Variants in PCDH11Y observed in about 807,000 individuals in gnomAD.
PCDH11Y encodes the protein protocadherin-11 Y-linked.
For synonymous variants in PCDH11Y, 9 were observed against 83.6 expected (o/e 0.11, Z 4.87); for missense variants, 12 against 224.8 (o/e 0.05, Z 6.05).
chrY:5,305,739 T>C, intron 2 of PCDH11Y, among the ~76,000 whole-genome samples: 1 of 32,733 alleles, frequency 3.1e-5, no homozygotes, highest in Non-Finnish European at 7.5e-5. Flanking sequence ...CCAGAGAGAG[T>C]TGGATCTACC....
chrY:5,241,490 G>A, intron 2 of PCDH11Y, among the ~76,000 whole-genome samples: 14 of 25,491 alleles, frequency 5.5e-4, no homozygotes, highest in Admixed American at 8.0e-4. Flanking sequence ...TGAGAGACAT[G>A]TGACTTTTCC....
intron 2 of PCDH11Y, among the ~76,000 whole-genome samples, chrY:5,244,178 A>G: frequency 8.9e-5 from 3 of 33,844 alleles, no homozygotes; most frequent in African/African-American, 3.5e-4. Flanking sequence ...CTTTCAGGTA[A>G]ATAATGAAAT....
At chrY:5,300,442 C>T in intron 2 of PCDH11Y, among the ~76,000 whole-genome samples, 1 of 32,389 alleles carries the variant, frequency 3.1e-5, no homozygotes, top group Non-Finnish European at 7.6e-5. Context: ...GATCAATTTC[C>T]CCAAGACATG....
chrY:5,296,497 G>A, intron 2 of PCDH11Y, among the ~76,000 whole-genome samples: 1 of 32,967 alleles, frequency 3.0e-5, no homozygotes, highest in East Asian at 8.3e-4. Context: ...CTTCAGGGTG[G>A]CAAGTTCCTA....
intron 2 of PCDH11Y, among the ~76,000 whole-genome samples, chrY:5,428,341 T>C (rs2053265586): frequency 3.0e-5 from 1 of 33,843 alleles, no homozygotes; most frequent in African/African-American, 1.2e-4. Flanking sequence ...CTATAGACTT[T>C]TTCTGTTTTT....
At chrY:5,672,843 C>A in intron 4 of PCDH11Y, among the ~76,000 whole-genome samples, 2 of 31,652 alleles carry the variant, frequency 6.3e-5, no homozygotes, top group African/African-American at 2.4e-4. Flanking sequence ...CTTTAAGATG[C>A]ATCATTAGAT....
intron 1 of PCDH11Y, among the ~76,000 whole-genome samples, chrY:5,094,618 C>T: frequency 3.1e-5 from 1 of 32,208 alleles, no homozygotes; most frequent in Non-Finnish European, 7.7e-5. Flanking sequence ...TAGGATAGTA[C>T]AGTTGAATAG....
intron 4 of PCDH11Y, among the ~76,000 whole-genome samples, chrY:5,720,993 T>C: frequency 3.0e-5 from 1 of 33,421 alleles, no homozygotes; most frequent in Admixed American, 2.7e-4. Flanking sequence ...AGCTCTATTA[T>C]AGGTTAAGAA....
chrY:5,181,930 C>T, intron 2 of PCDH11Y, among the ~76,000 whole-genome samples: 2 of 33,382 alleles, frequency 6.0e-5, no homozygotes, highest in East Asian at 8.2e-4. Context: ...TCAATTCAGC[C>T]GTCTCAGCTT....
intron 1 of PCDH11Y, among the ~76,000 whole-genome samples, chrY:5,086,863 CAGCTCAGCACTGGGTCTCACCCAAGTTCA>C (rs2052731586): frequency 3.4e-5 from 1 of 29,844 alleles, no homozygotes; most frequent in African/African-American, 1.3e-4. Context: ...GACCTAAAGC[CAGCTCAGCACTGGGTCTCACCCAAGTTCA>C]AGCTCAGCAC....
chrY:5,702,086 A>G (rs1308688530), intron 4 of PCDH11Y, among the ~76,000 whole-genome samples: 9 of 33,210 alleles, frequency 2.7e-4, no homozygotes, highest in Non-Finnish European at 5.9e-4. Flanking sequence ...TGTTGTATCT[A>G]GGAAATAGCA....
chrY:5,027,074 C>T, intron 1 of PCDH11Y, among the ~76,000 whole-genome samples: 2 of 31,779 alleles, frequency 6.3e-5, no homozygotes, highest in Non-Finnish European at 7.6e-5. Context: ...GCCTGGGGAA[C>T]ATAGTGAGAC....
At chrY:5,550,054 A>C in intron 3 of PCDH11Y, among the ~76,000 whole-genome samples, 1 of 30,201 alleles carries the variant, frequency 3.3e-5, no homozygotes, top group Admixed American at 3.0e-4. Context: ...CCATGACACG[A>C]ATTTACCTAT....
intron 2 of PCDH11Y, among the ~76,000 whole-genome samples, chrY:5,484,350 T>TC (rs2053329536): frequency 6.5e-5 from 2 of 30,676 alleles, no homozygotes; most frequent in African/African-American, 2.6e-4. Flanking sequence ...ACTATATTAT[T>TC]AATAGAACAT....
At chrY:5,450,837 C>T (rs1602927613) in intron 2 of PCDH11Y, among the ~76,000 whole-genome samples, 2 of 32,987 alleles carry the variant, frequency 6.1e-5, no homozygotes, top group African/African-American at 2.4e-4. Context: ...TTATGAGTCA[C>T]GCAATGCATG....
chrY:5,323,140 G>A (rs1433887233), intron 2 of PCDH11Y, among the ~76,000 whole-genome samples: 5 of 26,956 alleles, frequency 1.9e-4, no homozygotes, highest in Non-Finnish European at 4.2e-4. Context: ...GGTATTGCCA[G>A]AAATCCACTG....
At chrY:5,447,936 A>G (rs1373886215) in intron 2 of PCDH11Y, among the ~76,000 whole-genome samples, 10 of 30,992 alleles carry the variant, frequency 3.2e-4, no homozygotes, top group African/African-American at 5.1e-4. Context: ...ACACTTATTA[A>G]CATCTTCAAT....
At chrY:5,534,653 A>G (rs2053398239) in intron 3 of PCDH11Y, among the ~76,000 whole-genome samples, 2 of 33,287 alleles carry the variant, frequency 6.0e-5, no homozygotes, top group African/African-American at 1.2e-4. Flanking sequence ...TAATGCTGCA[A>G]TGAACATACA....
intron 2 of PCDH11Y, among the ~76,000 whole-genome samples, chrY:5,121,408 G>T: frequency 3.2e-5 from 1 of 31,181 alleles, no homozygotes; most frequent in African/African-American, 1.3e-4. Context: ...AGAGATGTAG[G>T]CTGGAAGACT....
Sources: gnomAD v4.1 joint callset for allele counts (sites outside exome capture counted in the v4.1 genomes callset) on GRCh38, gnomAD v4.1.1 for gene constraint, MANE v1.5 for transcripts, NCBI Gene and HGNC (gene_info 2026-07-23, HGNC 2026-07-21) for gene names.